Variants in OXSR1 observed in about 807,000 individuals in gnomAD.
OXSR1 encodes oxidative stress responsive kinase 1.
In OXSR1, 24 loss-of-function variants were observed where a neutral mutation model predicts 79.8. That is an observed-to-expected ratio of 0.30 (90% CI 0.22 to 0.42). The LOEUF (loss-of-function observed/expected upper bound fraction) is 0.42. Among genes scored for constraint, OXSR1 ranks in the 10% least tolerant of loss-of-function variants. OXSR1 has a pLI of 1.00. For synonymous variants in OXSR1, 226 were observed against 209.2 expected (o/e 1.08, Z -0.69); for missense variants, 430 against 618.4 (o/e 0.70, Z 3.23).
intron 15 of OXSR1, among the ~76,000 whole-genome samples, chr3:38,251,191 C>G (rs547149669): frequency 6.6e-6 from 1 of 152,222 alleles, no homozygotes; most frequent in East Asian, 1.9e-4. Context: ...AGATTCTGCC[C>G]TCTAGCTAGA....
chr3:38,164,675 G>A (rs1014315682), upstream of OXSR1, among the ~76,000 whole-genome samples: 2 of 152,176 alleles, frequency 1.3e-5, no homozygotes, highest in Non-Finnish European at 2.9e-5. Flanking sequence ...CCCCAAATCC[G>A]TGGGTCGATC....
intron 1 of OXSR1, among the ~76,000 whole-genome samples, chr3:38,179,366 C>T (rs576543003): frequency 9.9e-5 from 15 of 152,048 alleles, no homozygotes; most frequent in African/African-American, 3.4e-4. Flanking sequence ...AGGGTCTTGC[C>T]ATGTTGCCCA....
chr3:38,239,173 A>G (rs1423533417), intron 11 of OXSR1, among the ~76,000 whole-genome samples: 3 of 152,158 alleles, frequency 2.0e-5, no homozygotes, highest in Non-Finnish European at 4.4e-5. Flanking sequence ...TACAGCTATG[A>G]TAACTATTTT....
chr3:38,249,566 A>G (rs1157699436), intron 14 of OXSR1, among the ~76,000 whole-genome samples: 1 of 152,154 alleles, frequency 6.6e-6, no homozygotes, highest in African/African-American at 2.4e-5. Flanking sequence ...AGAGGTAGGC[A>G]ATGAATTGTG....
At chr3:38,241,543 G>T (rs1235182299) in intron 11 of OXSR1, among the ~76,000 whole-genome samples, 1 of 151,928 alleles carries the variant, frequency 6.6e-6, no homozygotes, top group African/African-American at 2.4e-5. Context: ...TGTACACTCT[G>T]ATTATTAAGT....
chr3:38,167,022 G>C (rs1701478892), intron 1 of OXSR1, among the ~76,000 whole-genome samples: 1 of 152,148 alleles, frequency 6.6e-6, no homozygotes. Flanking sequence ...CAGTGGCCTT[G>C]AGTAAGGGAA....
chr3:38,178,709 C>T (rs1293754803), intron 1 of OXSR1, among the ~76,000 whole-genome samples: 5 of 147,966 alleles, frequency 3.4e-5, no homozygotes, highest in African/African-American at 1.2e-4. Context: ...AACTCCTGAG[C>T]TCAAGTGATC....
chr3:38,187,727 A>G (rs1701909382), intron 2 of OXSR1, among the ~76,000 whole-genome samples: 1 of 152,084 alleles, frequency 6.6e-6, no homozygotes, highest in South Asian at 2.1e-4. Flanking sequence ...GAAGGGGTGG[A>G]ATTCACTTTA....
intron 11 of OXSR1, 80 bp downstream of exon 11, chr3:38,237,041 T>A: frequency 7.8e-7 from 1 of 1,288,268 alleles, no homozygotes; most frequent in Non-Finnish European, 1.1e-6. Context: ...ATATAAAGAA[T>A]ACAATTGTAA....
intron 4 of OXSR1, among the ~76,000 whole-genome samples, chr3:38,202,260 C>T (rs865869462): frequency 1.1e-4 from 17 of 152,208 alleles, no homozygotes; most frequent in Middle Eastern, 6.8e-3. Flanking sequence ...CAGGGATTGT[C>T]TCTGTGATTG....
At chr3:38,228,003 G>T (rs149649545) in intron 8 of OXSR1, among the ~76,000 whole-genome samples, 10 of 152,164 alleles carry the variant, frequency 6.6e-5, no homozygotes, top group African/African-American at 2.2e-4. Context: ...TTTGAACATC[G>T]TGGAGTGTAC....
chr3:38,179,010 G>A (rs560849770), intron 1 of OXSR1, among the ~76,000 whole-genome samples: 1 of 145,294 alleles, frequency 6.9e-6, no homozygotes, highest in African/African-American at 2.6e-5. Context: ...GACTACAGAC[G>A]TGCACCACCA....
At chr3:38,235,689 G>A (rs1702904741) in intron 10 of OXSR1, among the ~76,000 whole-genome samples, 1 of 152,214 alleles carries the variant, frequency 6.6e-6, no homozygotes, top group African/African-American at 2.4e-5. Flanking sequence ...CAGGAGTCAT[G>A]ATGACCTCAG....
At chr3:38,165,509 C>A, upstream of OXSR1, 2 of 242,462 alleles carry the variant, frequency 8.2e-6, no homozygotes, top group Non-Finnish European at 1.6e-5. Flanking sequence ...CGCTGCGTGT[C>A]GGCAGGTGGA....
At chr3:38,185,772 A>G (rs75498022) in intron 2 of OXSR1, among the ~76,000 whole-genome samples, 20,726 of 151,642 alleles carry the variant, frequency 0.14, 1,822 homozygotes, top group Middle Eastern at 0.27. Context: ...GTGAGACCCC[A>G]TCTCTAAAAT....
intron 5 of OXSR1, among the ~76,000 whole-genome samples, chr3:38,216,414 C>G (rs143472897): frequency 2.4e-3 from 362 of 152,156 alleles, no homozygotes; most frequent in African/African-American, 8.3e-3. Context: ...GGGTCTTCTG[C>G]TATGGGTTCT....
Position 38,242,790 on chromosome 3 carries a change from T to A in OXSR1, c.1110+12T>A. ...TATCAAATTCTGAGGTAAGTAATTG[T>A]GATTATTGAATCCTTGTTAAAGTAA... is the stretch of plus-strand genomic sequence containing the variant. On this transcript the variant is annotated intron_variant, in intron 12 of 17. Coordinates refer to ENST00000311806, the MANE Select transcript of OXSR1 (RefSeq NM_005109.3). 6.7e-7 allele frequency: 1 copy of A among 1,486,934 alleles called. No homozygotes were observed. The highest frequency in any genetic ancestry group is 9.3e-7 in the Non-Finnish European group (1 of 1,075,496). 92.1% of individuals were successfully genotyped at this position (1,486,934 alleles called of 1,614,324 possible).
At chr3:38,191,258 T>C (rs1026228948) in intron 3 of OXSR1, among the ~76,000 whole-genome samples, 6 of 151,564 alleles carry the variant, frequency 4.0e-5, no homozygotes, top group Non-Finnish European at 7.4e-5. Flanking sequence ...GGAGATGGGG[T>C]CTCACTATGT....
intron 1 of OXSR1, among the ~76,000 whole-genome samples, chr3:38,179,218 C>T (rs111724095): frequency 1.3e-3 from 202 of 152,048 alleles, no homozygotes; most frequent in African/African-American, 4.5e-3. Flanking sequence ...TTTGTAGGGA[C>T]GGAGTCCCAC....
Sources: allele counts gnomAD v4.1 joint callset (sites outside exome capture counted in the v4.1 genomes callset), GRCh38; gene constraint gnomAD v4.1.1; transcripts MANE v1.5; gene names NCBI Gene and HGNC (gene_info 2026-07-23, HGNC 2026-07-21).